The following MAP3K5 variants were observed in gnomAD, a reference collection of about 807,000 sequenced individuals.
The protein encoded by MAP3K5 is ASK-1.
Under a neutral mutation model 158.7 loss-of-function variants are expected in MAP3K5, and 56 were observed. The ratio of observed to expected loss-of-function variants is 0.35; its 90% confidence interval spans 0.28 to 0.44. The LOEUF (loss-of-function observed/expected upper bound fraction) is 0.44, where lower values mean the gene tolerates loss of function less well. MAP3K5 is among the 20% of genes least tolerant of loss of function. MAP3K5 has a pLI of 1.00. For synonymous variants in MAP3K5, 579 were observed against 601.7 expected, an observed-to-expected ratio of 0.96 and a Z score of 0.55; for missense variants, 1,294 against 1,674.8, an observed-to-expected ratio of 0.77 and a Z score of 3.97.
intron 21 of MAP3K5, among the ~76,000 whole-genome samples, chr6:136,597,537 T>C (rs555600579): frequency 6.6e-6 from 1 of 152,272 alleles, no homozygotes; most frequent in Non-Finnish European, 1.5e-5. Context: ...CATAGAATAG[T>C]GGTTCTCACA....
At chr6:136,662,172 G>A (rs527653296) in intron 8 of MAP3K5, among the ~76,000 whole-genome samples, 12 of 152,310 alleles carry the variant, frequency 7.9e-5, no homozygotes, top group African/African-American at 2.4e-4. Context: ...CATTTTTAGT[G>A]TTGATGCATT....
chr6:136,695,170 C>T (rs988232308), intron 6 of MAP3K5, among the ~76,000 whole-genome samples: 3 of 152,092 alleles, frequency 2.0e-5, no homozygotes, highest in East Asian at 3.9e-4. Flanking sequence ...CAGAGTCTTG[C>T]TCTGTTGCCC....
intron 1 of MAP3K5, among the ~76,000 whole-genome samples, chr6:136,781,932 A>G (rs1784629106): frequency 6.6e-6 from 1 of 152,016 alleles, no homozygotes; most frequent in East Asian, 1.9e-4. Flanking sequence ...GGTATTTGAC[A>G]TGGCCGGGCA....
intron 1 of MAP3K5, among the ~76,000 whole-genome samples, chr6:136,739,475 CAGGG>C (rs370301020): frequency 1.1e-4 from 16 of 152,348 alleles, no homozygotes; most frequent in African/African-American, 3.8e-4. Flanking sequence ...ACTCCCACCC[CAGGG>C]TACTGTCAAT....
intron 7 of MAP3K5, among the ~76,000 whole-genome samples, chr6:136,681,725 G>A (rs1199209163): frequency 6.6e-6 from 1 of 152,128 alleles, no homozygotes; most frequent in Non-Finnish European, 1.5e-5. Flanking sequence ...GGCCATCCTG[G>A]CTAACATGGT....
chr6:136,662,667 T>C (rs563121247), intron 8 of MAP3K5, among the ~76,000 whole-genome samples: 1 of 152,252 alleles, frequency 6.6e-6, no homozygotes, highest in African/African-American at 2.4e-5. Flanking sequence ...TTCCATAGGA[T>C]AGAATTTCAG....
intron 13 of MAP3K5, among the ~76,000 whole-genome samples, chr6:136,639,083 C>A (rs1404770362): frequency 1.3e-5 from 2 of 152,078 alleles, no homozygotes; most frequent in African/African-American, 4.8e-5. Context: ...TTCACCCCCA[C>A]CAGAACGTCC....
At chr6:136,561,026 A>T (rs1562506024) in intron 28 of MAP3K5, among the ~76,000 whole-genome samples, 2 of 151,666 alleles carry the variant, frequency 1.3e-5, no homozygotes, top group Non-Finnish European at 2.9e-5. Flanking sequence ...GAAACAAGAA[A>T]TTTTTTCTTT....
intron 1 of MAP3K5, among the ~76,000 whole-genome samples, chr6:136,751,018 T>A (rs1783182605): frequency 6.6e-6 from 1 of 152,204 alleles, no homozygotes; most frequent in South Asian, 2.1e-4. Context: ...TTCTCATGAC[T>A]TATAACCCCA....
At chr6:136,659,033 C>A (rs766125440) in intron 9 of MAP3K5, among the ~76,000 whole-genome samples, 186 bp downstream of exon 9, 7 of 152,228 alleles carry the variant, frequency 4.6e-5, no homozygotes, top group Admixed American at 1.3e-4. Flanking sequence ...CTGCTGACAT[C>A]ACCTATGTCC....
intron 23 of MAP3K5, among the ~76,000 whole-genome samples, chr6:136,585,712 G>C (rs551961502): frequency 1.3e-5 from 2 of 151,972 alleles, no homozygotes; most frequent in African/African-American, 4.8e-5. Context: ...GGCCAGGCTG[G>C]TCTTGAACTC....
At chr6:136,589,062 G>A (rs367767086) in intron 23 of MAP3K5, among the ~76,000 whole-genome samples, 4 of 152,196 alleles carry the variant, frequency 2.6e-5, no homozygotes, top group South Asian at 2.1e-4. Flanking sequence ...TTCCTAAGGC[G>A]ATAAAATGTT....
At chr6:136,708,922 A>G (rs1781189001) in intron 2 of MAP3K5, among the ~76,000 whole-genome samples, 1 of 152,156 alleles carries the variant, frequency 6.6e-6, no homozygotes, top group African/African-American at 2.4e-5. Context: ...CCTCTGAGTA[A>G]CGAGGAAATG....
chr6:136,592,713 C>G, intron 21 of MAP3K5, 99 bp from the exon 22 acceptor site: 1 of 1,033,812 alleles, frequency 9.7e-7, no homozygotes. Context: ...TGTCAAATAT[C>G]TTGTTGCAAT....
At chr6:136,784,221 C>G (rs1165845685) in intron 1 of MAP3K5, among the ~76,000 whole-genome samples, 4 of 152,200 alleles carry the variant, frequency 2.6e-5, no homozygotes, top group African/African-American at 9.7e-5. Context: ...AACCAGGATC[C>G]TGGCAGCCCA....
chr6:136,710,670 G>C (rs1370035543), intron 2 of MAP3K5, among the ~76,000 whole-genome samples: 2 of 152,162 alleles, frequency 1.3e-5, no homozygotes, highest in Non-Finnish European at 1.5e-5. Context: ...GGGAATAGCA[G>C]GCATGGGGTG....
At chr6:136,632,917 C>T (rs969147409) in intron 14 of MAP3K5, among the ~76,000 whole-genome samples, 11 of 152,070 alleles carry the variant, frequency 7.2e-5, no homozygotes, top group African/African-American at 1.7e-4. Flanking sequence ...TACCCTTCCA[C>T]GTCAAAATAC....
intron 1 of MAP3K5, among the ~76,000 whole-genome samples, chr6:136,789,017 G>T (rs187849801): frequency 6.6e-6 from 1 of 152,238 alleles, no homozygotes; most frequent in African/African-American, 2.4e-5. Flanking sequence ...AAGATGGGAG[G>T]CTGGGTGCGG....
chr6:136,678,956 C>T (rs1460158677), intron 7 of MAP3K5, among the ~76,000 whole-genome samples: 1 of 152,076 alleles, frequency 6.6e-6, no homozygotes, highest in East Asian at 1.9e-4. Flanking sequence ...AAACTCCTGA[C>T]CTCAGGTGAT....
Sources: allele counts gnomAD v4.1 joint callset (sites outside exome capture counted in the v4.1 genomes callset), GRCh38; gene constraint gnomAD v4.1.1; transcripts MANE v1.5; gene names NCBI Gene and HGNC (gene_info 2026-07-23, HGNC 2026-07-21).